The following TSHZ2 variants were observed in gnomAD, a reference collection of about 807,000 sequenced individuals.
The protein encoded by TSHZ2 is teashirt zinc finger homeobox 2, also known as teashirt homolog 2.
In TSHZ2, 21 loss-of-function variants were observed where a neutral mutation model predicts 74.4. That is an observed-to-expected ratio of 0.28 (90% CI 0.20 to 0.41). TSHZ2 has a LOEUF of 0.41. TSHZ2 is among the 10% of genes least tolerant of loss of function. The pLI is 1.00. For missense variants in TSHZ2, 1,244 were observed against 1,293.5 expected (o/e 0.96, Z 0.59); for synonymous variants, 540 against 515.3 (o/e 1.05, Z -0.65).
intron 1 of TSHZ2, among the ~76,000 whole-genome samples, chr20:53,160,692 C>A (rs1190130547): frequency 6.9e-6 from 1 of 145,514 alleles, no homozygotes; most frequent in Non-Finnish European, 1.5e-5. Flanking sequence ...TTGCAGTGAG[C>A]TGAGATTGTG....
chr20:53,125,572 A>T (rs2123366348), intron 1 of TSHZ2, among the ~76,000 whole-genome samples: 1 of 152,178 alleles, frequency 6.6e-6, no homozygotes, highest in African/African-American at 2.4e-5. Flanking sequence ...GCTCTTTCCC[A>T]CCCTACGTTC....
chr20:53,088,270 A>G (rs779404108), intron 1 of TSHZ2, among the ~76,000 whole-genome samples: 2 of 152,236 alleles, frequency 1.3e-5, no homozygotes, highest in Non-Finnish European at 2.9e-5. Context: ...TGGGAACTCA[A>G]AAGTGAACAG....
At chr20:53,302,246 C>T (rs1978341071) in intron 2 of TSHZ2, among the ~76,000 whole-genome samples, 1 of 151,992 alleles carries the variant, frequency 6.6e-6, no homozygotes, top group African/African-American at 2.4e-5. Context: ...ATGGGGGTGT[C>T]CTAGCACTCG....
intron 1 of TSHZ2, among the ~76,000 whole-genome samples, chr20:53,173,556 C>T (rs894723118): frequency 4.6e-5 from 7 of 152,054 alleles, no homozygotes; most frequent in Non-Finnish European, 1.0e-4. Context: ...TGCAGTGAGC[C>T]GACGTAGCGC....
At chr20:53,350,382 T>C (rs535891279) in intron 2 of TSHZ2, among the ~76,000 whole-genome samples, 3 of 152,362 alleles carry the variant, frequency 2.0e-5, no homozygotes, top group East Asian at 3.9e-4. Flanking sequence ...CAAGGTTGGA[T>C]GGACCTCTAG....
chr20:53,389,905 C>T (rs751657817), intron 2 of TSHZ2, among the ~76,000 whole-genome samples: 2 of 152,152 alleles, frequency 1.3e-5, no homozygotes, highest in African/African-American at 2.4e-5. Flanking sequence ...GTTGAAAAAG[C>T]CTTTTCGTCT....
intron 2 of TSHZ2, among the ~76,000 whole-genome samples, chr20:53,388,228 A>G (rs145443228): frequency 1.1e-4 from 16 of 152,316 alleles, no homozygotes; most frequent in African/African-American, 3.4e-4. Flanking sequence ...GCATCTTACA[A>G]TGTTTCTCTT....
chr20:53,297,049 A>G (rs1044969959), intron 2 of TSHZ2, among the ~76,000 whole-genome samples: 1 of 152,206 alleles, frequency 6.6e-6, no homozygotes, highest in Non-Finnish European at 1.5e-5. Flanking sequence ...ACCCTGTCCC[A>G]TGACCCCTGG....
chr20:53,178,349 T>A (rs1237515588), intron 1 of TSHZ2: 1 of 152,248 alleles, frequency 6.6e-6, no homozygotes, highest in Non-Finnish European at 1.5e-5. Flanking sequence ...ACTGTCGATT[T>A]TTCTGCCTGT....
intron 1 of TSHZ2, among the ~76,000 whole-genome samples, chr20:53,086,701 A>G (rs1423445615): frequency 6.6e-6 from 1 of 152,102 alleles, no homozygotes; most frequent in Non-Finnish European, 1.5e-5. Flanking sequence ...TGTTAACTGG[A>G]ACTCGTGTCC....
At chr20:53,192,292 T>TA (rs58001328) in intron 1 of TSHZ2, among the ~76,000 whole-genome samples, 14,337 of 136,932 alleles carry the variant, frequency 0.1, 795 homozygotes, top group Non-Finnish European at 0.13. Flanking sequence ...CTTCTCTGGC[T>TA]AAAAAAAAAA....
intron 1 of TSHZ2, among the ~76,000 whole-genome samples, chr20:53,027,429 G>GA (rs1983484888): frequency 6.6e-6 from 1 of 152,012 alleles, no homozygotes; most frequent in Admixed American, 6.5e-5. Context: ...TAGTTGTTGA[G>GA]AAAAAAATCA....
rs1310820270 is a variant in TSHZ2, at chr20:53,267,668, G to A, written c.*8+11097G>A. Among the ~76,000 whole-genome samples, 4 of 152,142 alleles carry A rather than the reference G, an allele frequency of 2.6e-5. No individual in the cohort carries two copies. The East Asian group carries it at 7.7e-4, about 29-fold the overall frequency. On this transcript the variant is annotated intron_variant, in intron 2 of 2. Transcript: ENST00000371497. ...AAAGGGCTGTTTAAAGATGCCCAGT[G>A]TATGTTAGATGCTTGCAATAGTCAA...
Position 53,254,582 on chromosome 20 carries a change from G to A in TSHZ2, c.1124G>A (p.Cys375Tyr), listed in dbSNP as rs1990420292. 7 of 1,612,380 alleles carry A rather than the reference G, an allele frequency of 4.3e-6. No individual in the cohort carries two copies. Among genetic ancestry groups the A allele is most frequent in the South Asian group, 1.1e-5 (1 of 91,062 alleles). Residue 375 changes from cysteine to tyrosine, a missense_variant, in exon 2 of 3, where the codon TGC becomes TAC. Transcript: ENST00000371497. Reference protein sequence around the residue: ...GASYTWQFEACKSQILKCMEC... With the variant: ...GASYTWQFEAYKSQILKCMEC... ...AGCTACACCTGGCAGTTTGAGGCCT[G>A]CAAGTCCCAGATCTTAAAGTGCATG... is the stretch of plus-strand genomic sequence containing the variant.
intron 1 of TSHZ2, among the ~76,000 whole-genome samples, chr20:53,207,365 TA>T (rs1173665577): frequency 2.0e-5 from 3 of 152,086 alleles, no homozygotes; most frequent in African/African-American, 7.2e-5. Flanking sequence ...TTGCTGTAGT[TA>T]AAAATCAGGC....
At chr20:53,426,865 G>C (rs1330635671) in intron 2 of TSHZ2, among the ~76,000 whole-genome samples, 1 of 152,204 alleles carries the variant, frequency 6.6e-6, no homozygotes, top group Non-Finnish European at 1.5e-5. Context: ...CTTCAGAAAA[G>C]AGATCAGTGA....
At chr20:53,128,709 C>T (rs1260318050) in intron 1 of TSHZ2, among the ~76,000 whole-genome samples, 2 of 151,964 alleles carry the variant, frequency 1.3e-5, no homozygotes, top group East Asian at 1.9e-4. Context: ...GCAACCTCCA[C>T]CTCCCAAGTT....
rs191982963 is a variant in TSHZ2, at chr20:53,430,990, A to G, written c.*9-56154A>G. Among the ~76,000 whole-genome samples the G allele has an allele frequency of 1.2e-3, 187 of 152,088 alleles. 1 individual carries two copies. Among genetic ancestry groups the G allele is most frequent in the African/African-American group, 4.3e-3 (179 of 41,512 alleles). ...TCGAACTCCTGACCTCAGGTGATCCACCTGCCTCAGCTTCCCAAAGTGCTG... is the reference window on the plus strand; with the variant it reads ...TCGAACTCCTGACCTCAGGTGATCCGCCTGCCTCAGCTTCCCAAAGTGCTG... On this transcript the variant is annotated intron_variant, in intron 2 of 2. Coordinates refer to ENST00000371497, the MANE Select transcript of TSHZ2 (RefSeq NM_173485.6).
chr20:53,129,179 A>G (rs1987031914), intron 1 of TSHZ2, among the ~76,000 whole-genome samples: 1 of 152,234 alleles, frequency 6.6e-6, no homozygotes, highest in Non-Finnish European at 1.5e-5. Flanking sequence ...TGTCAGTAAT[A>G]TAAAAACTTT....
Sources: gnomAD v4.1 joint callset for allele counts (sites outside exome capture counted in the v4.1 genomes callset) on GRCh38, gnomAD v4.1.1 for gene constraint, MANE v1.5 for transcripts, NCBI Gene and HGNC (gene_info 2026-07-23, HGNC 2026-07-21) for gene names.